PCSK6: variants seen among roughly 807,000 people sequenced by gnomAD.
The protein encoded by PCSK6 is paired basic amino acid cleaving enzyme 4.
A neutral mutation model predicts 123.3 loss-of-function variants in PCSK6; 85 were observed. The ratio of observed to expected loss-of-function variants is 0.69; its 90% confidence interval spans 0.58 to 0.83. The LOEUF (loss-of-function observed/expected upper bound fraction) is 0.83, where lower values mean the gene tolerates loss of function less well. Among genes scored for constraint, PCSK6 ranks in the 40% least tolerant of loss-of-function variants. The pLI is 0.00. For synonymous variants in PCSK6, 508 were observed against 516.0 expected, an observed-to-expected ratio of 0.98 and a Z score of 0.21; for missense variants, 1,191 against 1,282.3, an observed-to-expected ratio of 0.93 and a Z score of 1.09.
chr15:101,346,159 T>C (rs995028180), intron 13 of PCSK6, among the ~76,000 whole-genome samples: 1 of 152,266 alleles, frequency 6.6e-6, no homozygotes, highest in African/African-American at 2.4e-5. Context: ...AAGGCAGGCA[T>C]ATTTGTGGTT....
At position 101,401,717 on chromosome 15, in the gene PCSK6, G is replaced by A. The variant is rs1166994540; in HGVS notation, c.824-3141C>T. On this transcript the variant is annotated intron_variant, in intron 6 of 21. Coordinates refer to ENST00000611716, the MANE Select transcript of PCSK6 (RefSeq NM_002570.5). The stretch of plus-strand genomic sequence containing the variant: ...AAACAAATGAAATCGGATGATCCGT[G>A]TAAAGGGTCTGGCACACAGTAAGCA... 5.9e-5 allele frequency among the ~76,000 whole-genome samples: 9 copies of A among 152,192 alleles called. No homozygotes were observed. In the East Asian group the frequency reaches 1.5e-3, roughly 26 times the overall value.
intron 5 of PCSK6, among the ~76,000 whole-genome samples, chr15:101,429,038 T>C (rs1239767629): frequency 6.6e-6 from 1 of 152,160 alleles, no homozygotes; most frequent in African/African-American, 2.4e-5. Flanking sequence ...GGCCGAGGCT[T>C]CCTGCACAGC....
chr15:101,330,813 G>A (rs1470507762), intron 15 of PCSK6, among the ~76,000 whole-genome samples: 2 of 152,200 alleles, frequency 1.3e-5, no homozygotes, highest in Non-Finnish European at 2.9e-5. Context: ...GGGGGAAACA[G>A]AGCAGATTAG....
intron 4 of PCSK6, among the ~76,000 whole-genome samples, 158 bp from the exon 5 acceptor site, chr15:101,430,221 T>C (rs1011281428): frequency 2.6e-5 from 4 of 152,174 alleles, no homozygotes; most frequent in Non-Finnish European, 5.9e-5. Context: ...GTAAAATATA[T>C]GTGACGGGAA....
At chr15:101,346,895 A>G in intron 13 of PCSK6, 1 of 1,231,758 alleles carries the variant, frequency 8.1e-7, no homozygotes, top group Non-Finnish European at 1.0e-6. Flanking sequence ...TCCCCGAGAT[A>G]AGTGGGGATA....
At chr15:101,332,872 A>G (rs2040399476) in intron 13 of PCSK6, among the ~76,000 whole-genome samples, 1 of 152,218 alleles carries the variant, frequency 6.6e-6, no homozygotes, top group African/African-American at 2.4e-5. Flanking sequence ...AGCAATTTCC[A>G]GGTGAATTCC....
chr15:101,412,480 A>G (rs984821131), intron 6 of PCSK6, among the ~76,000 whole-genome samples: 3 of 152,032 alleles, frequency 2.0e-5, no homozygotes, highest in Admixed American at 6.5e-5. Context: ...AGGCCATGAA[A>G]AAAACACCTA....
chr15:101,387,834 G>A (rs1457821307), intron 9 of PCSK6, among the ~76,000 whole-genome samples: 1 of 53,702 alleles, frequency 1.9e-5, no homozygotes, highest in Non-Finnish European at 5.1e-5. Context: ...AGCTATCCCA[G>A]GCTACAGGTC....
intron 19 of PCSK6, among the ~76,000 whole-genome samples, chr15:101,316,001 C>T (rs1427886371): frequency 6.6e-6 from 1 of 152,224 alleles, no homozygotes; most frequent in Non-Finnish European, 1.5e-5. Flanking sequence ...CTGACTCCGA[C>T]CCTCCCCACG....
intron 1 of PCSK6, among the ~76,000 whole-genome samples, chr15:101,489,160 C>G (rs1191450490): frequency 5.3e-5 from 4 of 75,218 alleles, no homozygotes; most frequent in African/African-American, 1.1e-4. Context: ...GGACCCCAGT[C>G]CCCCCCACCC....
intron 13 of PCSK6, chr15:101,346,914 T>C: frequency 8.1e-7 from 1 of 1,231,648 alleles, no homozygotes; most frequent in Non-Finnish European, 1.0e-6. Flanking sequence ...TACATACTTC[T>C]TTTTTTCTCA....
At chr15:101,327,334 C>T (rs1228111679) in intron 15 of PCSK6, among the ~76,000 whole-genome samples, 2 of 152,158 alleles carry the variant, frequency 1.3e-5, no homozygotes, top group African/African-American at 4.8e-5. Context: ...GAGATGAAGC[C>T]AGTGTTAAAG....
At chr15:101,358,451 T>C (rs2041110569) in intron 13 of PCSK6, among the ~76,000 whole-genome samples, 1 of 152,222 alleles carries the variant, frequency 6.6e-6, no homozygotes, top group South Asian at 2.1e-4. Context: ...CTGGTGGCCC[T>C]TGGGCCCTTG....
chr15:101,488,768 G>A (rs909395313), intron 1 of PCSK6, among the ~76,000 whole-genome samples: 2 of 151,346 alleles, frequency 1.3e-5, no homozygotes, highest in African/African-American at 4.9e-5. Flanking sequence ...CTCTCCGACG[G>A]CGGCCGGGCT....
intron 1 of PCSK6, among the ~76,000 whole-genome samples, chr15:101,473,056 T>C (rs1169321871): frequency 6.6e-6 from 1 of 152,114 alleles, no homozygotes; most frequent in African/African-American, 2.4e-5. Context: ...GAGGTTTCAT[T>C]TGGATTGGTT....
At chr15:101,441,372 G>A (rs1275694903) in intron 2 of PCSK6, among the ~76,000 whole-genome samples, 1 of 152,044 alleles carries the variant, frequency 6.6e-6, no homozygotes, top group South Asian at 2.1e-4. Context: ...CACAGAGTCT[G>A]TCTCTGCTGC....
At chr15:101,489,082 C>A (rs1276892233) in intron 1 of PCSK6, among the ~76,000 whole-genome samples, 1 of 148,784 alleles carries the variant, frequency 6.7e-6, no homozygotes, top group East Asian at 2.0e-4. Context: ...CACTTCCGAG[C>A]GCGGGGTTGG....
intron 6 of PCSK6, among the ~76,000 whole-genome samples, chr15:101,411,299 C>T (rs1428764814): frequency 6.6e-6 from 1 of 152,182 alleles, no homozygotes; most frequent in African/African-American, 2.4e-5. Context: ...AGGTCTCAGC[C>T]TCCAGGCTGA....
At chr15:101,335,826 T>C (rs1366295524) in intron 13 of PCSK6, among the ~76,000 whole-genome samples, 2 of 152,228 alleles carry the variant, frequency 1.3e-5, no homozygotes, top group African/African-American at 2.4e-5. Flanking sequence ...AGAGTGTGCT[T>C]ACACAAACCT....
Sources: allele counts gnomAD v4.1 joint callset (sites outside exome capture counted in the v4.1 genomes callset), GRCh38; gene constraint gnomAD v4.1.1; transcripts MANE v1.5; gene names NCBI Gene and HGNC (gene_info 2026-07-23, HGNC 2026-07-21).